The following MCM2 variants were observed in gnomAD, a reference collection of about 807,000 sequenced individuals.
The protein encoded by MCM2 is minichromosome maintenance complex component 2.
MCM2 carries 49 observed loss-of-function variants against 86.4 expected under a neutral mutation model. That is an observed-to-expected ratio of 0.57 (90% CI 0.45 to 0.72). MCM2 has a LOEUF of 0.72. Ranked by LOEUF, MCM2 falls within the 30% of genes least tolerant of loss-of-function variation. The pLI is 0.00. For synonymous variants in MCM2, 475 were observed against 484.6 expected (o/e 0.98, Z 0.26); for missense variants, 1,038 against 1,259.9 (o/e 0.82, Z 2.67).
Position 127,620,624 on chromosome 3 carries a change from A to G in MCM2, c.2266-74A>G, listed in dbSNP as rs574990963. 8.8e-6 allele frequency: 13 copies of G among 1,477,900 alleles called. 1 individual carries two copies. The South Asian group carries it at 1.1e-4, about 12-fold the overall frequency. 91.5% of individuals were successfully genotyped at this position (1,477,900 alleles called of 1,614,324 possible). A position where few individuals can be genotyped will look rare whatever the true frequency, so the allele number is the denominator to read the frequency against. On this transcript the variant is annotated intron_variant, in intron 13 of 15. Coordinates refer to ENST00000265056, the MANE Select transcript of MCM2 (RefSeq NM_004526.4). ...ATGGGTCTTCTTGGCTCTGGGTGCT[A>G]AGAGTGCCGCTGCTTTATTTTCCTT...
In MCM2 at chr3:127,617,480, C is replaced by A; in HGVS notation, c.1900+75C>A. 6.6e-7 allele frequency: 1 copy of A among 1,515,608 alleles called. No homozygotes were observed. The highest frequency in any genetic ancestry group is 8.8e-7 in the Non-Finnish European group (1 of 1,131,160). The allele number at this position is 1,515,608 out of a possible 1,614,324, so 93.9% of individuals were successfully genotyped here. On this transcript the variant is annotated intron_variant, in intron 11 of 15. Transcript: ENST00000265056. This position sits in a 1 kb window ranked among gnomAD's most constrained non-coding sequence, Gnocchi z 4.1. The stretch of plus-strand genomic sequence containing the variant: ...CCCGCCTGCTTGAATTGGGAGCCCA[C>A]GGGGTCCCCAGGAGCCGATCTGAGG...
Position 127,617,721 on chromosome 3 carries a change from G to A in MCM2, c.1901-248G>A, listed in dbSNP as rs899387905. On this transcript the variant is annotated intron_variant, in intron 11 of 15. Transcript: ENST00000265056. The surrounding 1 kb of genome is among the most constrained non-coding windows in gnomAD (Gnocchi z 4.1). ...GCAGCGAATGCGTAAAAGAACCCAG[G>A]CTCTGTCACCCACTGTGTTCTTGGT... 2 of 587,608 alleles carry A rather than the reference G, an allele frequency of 3.4e-6. No homozygotes were observed. The highest frequency in any genetic ancestry group is 4.1e-5 in the South Asian group (2 of 49,148). The allele number at this position is 587,608 out of a possible 1,614,324, so 36.4% of individuals were successfully genotyped here.
intron 8 of MCM2, 40 bp from the exon 9 acceptor site, chr3:127,615,822 T>A: frequency 6.9e-7 from 1 of 1,455,244 alleles, no homozygotes; most frequent in Non-Finnish European, 9.6e-7. Flanking sequence ...ACTCTGTGAG[T>A]ATCTGTTCCC....
At chr3:127,608,290 C>A in intron 6 of MCM2, 92 bp from the exon 7 acceptor site, 1 of 1,516,532 alleles carries the variant, frequency 6.6e-7, no homozygotes, top group Non-Finnish European at 9.0e-7. Context: ...ACTCAGGAGT[C>A]GGAATCCTGC....
At chr3:127,616,556 T>C (rs1298879156) in intron 9 of MCM2, among the ~76,000 whole-genome samples, 2 of 152,242 alleles carry the variant, frequency 1.3e-5, no homozygotes, top group African/African-American at 2.4e-5. Flanking sequence ...AGCAATTGCC[T>C]TCTTTTAAAT....
intron 9 of MCM2, among the ~76,000 whole-genome samples, chr3:127,616,369 C>A (rs1288673463): frequency 6.6e-6 from 1 of 152,162 alleles, no homozygotes; most frequent in South Asian, 2.1e-4. Context: ...CTAGTCCCTC[C>A]CTTTGTGGCC....
rs770172505 is a variant in MCM2, at chr3:127,610,794, G to T, written c.1428+1771G>T. On this transcript the variant is annotated intron_variant, in intron 8 of 15. Coordinates refer to ENST00000265056, the MANE Select transcript of MCM2 (RefSeq NM_004526.4). ...CATTGTTCAGGAAAGCTCCAGAAAT[G>T]CATCCCTGGCAGAGGCTGGTATTGG... The T allele has an allele frequency of 8.8e-6, 4 of 456,714 alleles. 1 individual carries two copies. Among genetic ancestry groups the T allele is most frequent in the South Asian group, 6.2e-5 (4 of 64,560 alleles). The allele number at this position is 456,714 out of a possible 1,614,324, so 28.3% of individuals were successfully genotyped here.
chr3:127,617,184 C>A lies in MCM2; in HGVS notation c.1773+66C>A. On this transcript the variant is annotated intron_variant, in intron 10 of 15. Coordinates refer to ENST00000265056, the MANE Select transcript of MCM2 (RefSeq NM_004526.4). The surrounding 1 kb of genome is among the most constrained non-coding windows in gnomAD (Gnocchi z 4.1). ...TGTGTGTGGGCTTGGGCCTTAGCGA[C>A]GGGAATGGTGTTAATGGGGTCCATT... 6 of 1,602,996 alleles carry A rather than the reference C, an allele frequency of 3.7e-6. No individual in the cohort carries two copies. The highest frequency in any genetic ancestry group is 1.3e-5 in the African/African-American group (1 of 74,772).
rs2074439592 is a variant in MCM2, at chr3:127,617,156, G to A, written c.1773+38G>A. On this transcript the variant is annotated intron_variant, in intron 10 of 15. Transcript: ENST00000265056. This position sits in a 1 kb window ranked among gnomAD's most constrained non-coding sequence, Gnocchi z 4.1. ...GTCACGGAGGCTGGTGGAACTCAGG[G>A]GGTGTGTGTGGGCTTGGGCCTTAGC... 6.2e-7 allele frequency: 1 copy of A among 1,607,720 alleles called. No individual in the cohort carries two copies. Among genetic ancestry groups the A allele is most frequent in the African/African-American group, 1.3e-5 (1 of 74,886 alleles).
intron 2 of MCM2, among the ~76,000 whole-genome samples, chr3:127,603,318 T>G (rs72965744): frequency 0.04 from 6,126 of 151,836 alleles, 341 homozygotes; most frequent in African/African-American, 0.12. Context: ...CATCTTAACC[T>G]TTTTTGTTTG....
At chr3:127,613,843 T>C (rs1441211251) in intron 8 of MCM2, among the ~76,000 whole-genome samples, 4 of 152,176 alleles carry the variant, frequency 2.6e-5, no homozygotes, top group African/African-American at 7.2e-5. Context: ...AAGTCCAAAA[T>C]TGAGGGCTGG....
At chr3:127,616,811 CCCT>C (rs1398053602) in intron 9 of MCM2, 54 bp from the exon 10 acceptor site, 2 of 1,571,414 alleles carry the variant, frequency 1.3e-6, no homozygotes, top group Non-Finnish European at 1.7e-6. Flanking sequence ...TGCAACTGTG[CCCT>C]CCTCCTCTCA....
rs114886929 is a variant in MCM2 at position 127,619,800 on chromosome 3, T to C, written c.2265+522T>C. On this transcript the variant is annotated intron_variant, in intron 13 of 15. Transcript: ENST00000265056. ...TTCAAGACCAGGCTGGGCAACATAG[T>C]GAGGCCCTTTCTCTACAAAAAATGT... Among the ~76,000 whole-genome samples the C allele has an allele frequency of 2.4e-3, 365 of 152,280 alleles. 2 individuals are homozygous for C. The highest frequency in any genetic ancestry group is 8.4e-3 in the African/African-American group (351 of 41,554).
At chr3:127,611,442 G>A (rs1336683058) in intron 8 of MCM2, among the ~76,000 whole-genome samples, 8 of 152,100 alleles carry the variant, frequency 5.3e-5, no homozygotes, top group African/African-American at 1.2e-4. Flanking sequence ...AGCGTGTGGC[G>A]GGCATGGCAT....
chr3:127,613,586 T>C (rs1316342975), intron 8 of MCM2, among the ~76,000 whole-genome samples: 1 of 152,234 alleles, frequency 6.6e-6, no homozygotes, highest in Non-Finnish European at 1.5e-5. Context: ...ATGCTCCCAG[T>C]GACTGTATTG....
Position 127,617,889 on chromosome 3 carries a change from TGCCATCAGAGCAGCCTGGGGTCCCTGA to T in MCM2, c.1901-78_1901-52del. 9.6e-7 allele frequency: 1 copy of T among 1,042,908 alleles called. No individual in the cohort carries two copies. The highest frequency in any genetic ancestry group is 1.5e-6 in the Non-Finnish European group (1 of 686,778). 64.6% of individuals were successfully genotyped at this position (1,042,908 alleles called of 1,614,324 possible). On this transcript the variant is annotated intron_variant, in intron 11 of 15. Transcript: ENST00000265056. This position sits in a 1 kb window ranked among gnomAD's most constrained non-coding sequence, Gnocchi z 4.1. Reference sequence around the variant, plus strand: ...CTCTTCCACTGCCCTCATCCCCTTCTGCCATCAGAGCAGCCTGGGGTCCCTGAGATGGGAGGATAGGGGAATCCACCC... The same window carrying T: ...CTCTTCCACTGCCCTCATCCCCTTCTGATGGGAGGATAGGGGAATCCACCC...
chr3:127,616,442 G>T (rs2074432522), intron 9 of MCM2, among the ~76,000 whole-genome samples: 1 of 152,128 alleles, frequency 6.6e-6, no homozygotes, highest in African/African-American at 2.4e-5. Context: ...TACAAGCGCA[G>T]CGTCCCCTGT....
intron 8 of MCM2, among the ~76,000 whole-genome samples, chr3:127,612,163 C>T (rs951922002): frequency 6.6e-6 from 1 of 152,192 alleles, no homozygotes; most frequent in Non-Finnish European, 1.5e-5. Flanking sequence ...GCATAGCTGC[C>T]CTTGCAGGTA....
Position 127,604,598 on chromosome 3 carries a change from G to C in MCM2, c.237-10G>C, listed in dbSNP as rs766608113. The C allele has an allele frequency of 6.2e-7, 1 of 1,608,770 alleles. No individual in the cohort carries two copies. The highest frequency in any genetic ancestry group is 1.3e-5 in the African/African-American group (1 of 74,802). ...TGGCAGTAACCACATCTGTTTTGGTGCTCCCTCAGGGACTACCGCGCCATC... is the reference window on the plus strand; with the variant it reads ...TGGCAGTAACCACATCTGTTTTGGTCCTCCCTCAGGGACTACCGCGCCATC... On this transcript the variant is annotated splice_polypyrimidine_tract_variant and intron_variant, in intron 2 of 15. Coordinates refer to ENST00000265056, the MANE Select transcript of MCM2 (RefSeq NM_004526.4).
Sources: gnomAD v4.1 joint callset for allele counts (sites outside exome capture counted in the v4.1 genomes callset) on GRCh38, gnomAD v4.1.1 for gene constraint, Gnocchi (gnomAD v3.1) non-coding constraint, MANE v1.5 for transcripts, NCBI Gene and HGNC (gene_info 2026-07-23, HGNC 2026-07-21) for gene names.